The following ASRGL1 variants were observed in gnomAD, a reference collection of about 807,000 sequenced individuals.
ASRGL1 encodes asparaginase and isoaspartyl peptidase 1, also known as isoaspartyl peptidase/L-asparaginase.
Under a neutral mutation model 22.4 loss-of-function variants are expected in ASRGL1, and 16 were observed. The ratio of observed to expected loss-of-function variants is 0.71; its 90% confidence interval spans 0.48 to 1.08. The LOEUF (loss-of-function observed/expected upper bound fraction) is 1.08. Among genes scored for constraint, ASRGL1 ranks in the 50% least tolerant of loss-of-function variants. ASRGL1 has a pLI of 0.00. For missense variants in ASRGL1, 412 were observed against 410.1 expected, an observed-to-expected ratio of 1.00 and a Z score of -0.04; for synonymous variants, 165 against 159.3, an observed-to-expected ratio of 1.04 and a Z score of -0.27.
At chr11:62,394,627 G>A (rs1185414403), downstream of ASRGL1, among the ~76,000 whole-genome samples, 1 of 152,006 alleles carries the variant, frequency 6.6e-6, no homozygotes, top group Non-Finnish European at 1.5e-5. Context: ...GGATAGGGAG[G>A]CCAGTTGGAA....
At position 62,362,728 on chromosome 11, in the gene ASRGL1, T is replaced by A. The variant is rs1470799745; in HGVS notation, c.491+5584T>A. Among the ~76,000 whole-genome samples, 11 of 82,032 alleles carry A rather than the reference T, an allele frequency of 1.3e-4. No individual in the cohort carries two copies. The South Asian group carries it at 3.9e-3, about 29-fold the overall frequency. The allele number at this position is 82,032 out of a possible 152,430, so 53.8% of individuals were successfully genotyped here. On this transcript the variant is annotated intron_variant, in intron 4 of 6. Coordinates refer to ENST00000415229, the MANE Select transcript of ASRGL1 (RefSeq NM_001083926.2). ...TATAAAATATATTATATGTTATATATAAAATATAATATATATTATATATAT... is the reference window on the plus strand; with the variant it reads ...TATAAAATATATTATATGTTATATAAAAAATATAATATATATTATATATAT...
intron 4 of ASRGL1, among the ~76,000 whole-genome samples, chr11:62,379,264 A>C (rs1400609522): frequency 6.6e-6 from 1 of 152,172 alleles, no homozygotes; most frequent in Non-Finnish European, 1.5e-5. Flanking sequence ...GGTTTAAAGC[A>C]ATGATAGAGA....
Position 62,392,350 on chromosome 11 carries a change from G to A in ASRGL1, c.*66G>A. On this transcript the variant is annotated 3_prime_UTR_variant, in exon 7 of 7. Transcript: ENST00000415229. ...AAGTACAGTCTCCTCATGAGACATA[G>A]CCTAATCAATTAGATCTAGAATTGG... The A allele has an allele frequency of 6.4e-7, 1 of 1,559,918 alleles. No individual in the cohort carries two copies. Among genetic ancestry groups the A allele is most frequent in the Non-Finnish European group, 8.8e-7 (1 of 1,135,188 alleles).
intron 2 of ASRGL1, among the ~76,000 whole-genome samples, chr11:62,341,490 C>T (rs963007951): frequency 2.0e-5 from 3 of 152,060 alleles, no homozygotes; most frequent in African/African-American, 4.8e-5. Context: ...TGAGCCACCA[C>T]GCCCGGCTGA....
At chr11:62,348,154 A>G (rs1946076440) in intron 2 of ASRGL1, among the ~76,000 whole-genome samples, 1 of 152,216 alleles carries the variant, frequency 6.6e-6, no homozygotes, top group Admixed American at 6.5e-5. Flanking sequence ...CATTTCACGT[A>G]GAGGACTTGA....
rs187560813 is a variant in ASRGL1, at chr11:62,348,329, G to A, written c.191-7996G>A. ...CTCATCATCTCTTCCAAAGCTCCTG[G>A]GTTAGGGGTTTTTCAAAAGCAGTTT... On this transcript the variant is annotated intron_variant, in intron 2 of 6. Coordinates refer to ENST00000415229, the MANE Select transcript of ASRGL1 (RefSeq NM_001083926.2). Among the ~76,000 whole-genome samples the A allele has an allele frequency of 1.3e-3, 204 of 152,274 alleles. 2 individuals are homozygous for A. The highest frequency in any genetic ancestry group is 1.5e-3 in the Non-Finnish European group (105 of 68,032).
chr11:62,339,181 C>A (rs1031498923), intron 2 of ASRGL1, among the ~76,000 whole-genome samples: 4 of 152,170 alleles, frequency 2.6e-5, no homozygotes, highest in Admixed American at 1.3e-4. Flanking sequence ...AGGACTATTT[C>A]AAGATATGGC....
intron 4 of ASRGL1, among the ~76,000 whole-genome samples, chr11:62,383,602 CAAAAAAAAAAAAAAAAAAAAAAAA>C (rs35096038): frequency 9.1e-5 from 2 of 21,900 alleles, no homozygotes; most frequent in African/African-American, 2.1e-4. Flanking sequence ...GACTCCTACT[CAAAAAAAAAAAAAAAAAAAAAAAA>C]AAGAACATCA....
chr11:62,342,125 T>C (rs1305509566), intron 2 of ASRGL1, among the ~76,000 whole-genome samples: 1 of 152,204 alleles, frequency 6.6e-6, no homozygotes, highest in African/African-American at 2.4e-5. Flanking sequence ...AAACGGGACC[T>C]TACATTTTCT....
intron 2 of ASRGL1, among the ~76,000 whole-genome samples, chr11:62,350,678 C>T (rs1201131382): frequency 1.3e-5 from 2 of 152,154 alleles, no homozygotes; most frequent in Admixed American, 1.3e-4. Context: ...TACCTATAGT[C>T]CCAGCTACTC....
At chr11:62,372,292 A>G in intron 4 of ASRGL1, 1 of 1,602,570 alleles carries the variant, frequency 6.2e-7, no homozygotes, top group East Asian at 2.2e-5. Context: ...GCGTTTGGGG[A>G]AAACAAGATG....
At chr11:62,371,730 A>G (rs1946771754) in intron 4 of ASRGL1, 1 of 562,594 alleles carries the variant, frequency 1.8e-6, no homozygotes, top group South Asian at 1.4e-5. Flanking sequence ...AGGCGGGCAG[A>G]TCACAAGGTC....
chr11:62,380,869 A>G (rs999473876), intron 4 of ASRGL1, among the ~76,000 whole-genome samples: 3 of 152,112 alleles, frequency 2.0e-5, no homozygotes, highest in South Asian at 2.1e-4. Flanking sequence ...CCACGCCTCA[A>G]TATCTCCTTG....
rs1427520681 is a variant in ASRGL1 at position 62,361,202 on chromosome 11, G to GT, written c.491+4065dup. ...TGGTTTTGTGGGGTTTTGTTTTTTT[G>GT]TTTTTTTGAGACAAGGTCTTACTTT... On this transcript the variant is annotated intron_variant, in intron 4 of 6. Transcript: ENST00000415229. Among the ~76,000 whole-genome samples the GT allele has an allele frequency of 2.0e-5, 3 of 151,700 alleles. No individual in the cohort carries two copies. The East Asian group carries it at 5.8e-4, about 29-fold the overall frequency.
At chr11:62,356,562 G>C (rs906977333) in intron 3 of ASRGL1, 95 bp downstream of exon 3, 1 of 1,406,882 alleles carries the variant, frequency 7.1e-7, no homozygotes. Context: ...TGAGATCACT[G>C]TTCTCCTAAA....
At chr11:62,355,608 G>T (rs928762293) in intron 2 of ASRGL1, among the ~76,000 whole-genome samples, 12 of 150,248 alleles carry the variant, frequency 8.0e-5, no homozygotes, top group Non-Finnish European at 4.4e-5. Context: ...AAAATCTGGA[G>T]CCATTTCTAA....
At chr11:62,387,652 A>C (rs1227172599) in intron 4 of ASRGL1, among the ~76,000 whole-genome samples, 1 of 152,132 alleles carries the variant, frequency 6.6e-6, no homozygotes, top group Non-Finnish European at 1.5e-5. Flanking sequence ...TCTGTGTAAA[A>C]CAGCACCTCC....
At position 62,392,654 on chromosome 11, in the gene ASRGL1, G is replaced by A. The variant is rs1947370869; in HGVS notation, c.*370G>A. ...GACAGATGTGGGAGACCCACAGCCT[G>A]CAGACACTGTGGGCTGGAAGGTGGG... On this transcript the variant is annotated 3_prime_UTR_variant, in exon 7 of 7. Transcript: ENST00000415229. 6 of 268,232 alleles carry A rather than the reference G, an allele frequency of 2.2e-5. No individual in the cohort carries two copies. The South Asian group carries it at 2.6e-4, about 11-fold the overall frequency. 16.6% of individuals were successfully genotyped at this position (268,232 alleles called of 1,614,324 possible).
rs549115796 is a variant in ASRGL1, at chr11:62,357,159, TG to T, written c.491+17del. 428 of 1,608,862 alleles carry T rather than the reference TG, an allele frequency of 2.7e-4. 6 individuals are homozygous for T. In the East Asian group the frequency reaches 9.4e-3, roughly 35 times the overall value. On this transcript the variant is annotated intron_variant, in intron 4 of 6. Transcript: ENST00000415229. Reference sequence around the variant, plus strand: ...GATTGTCAAAAGTAAGTCTTACCTGTGGCTCGCATTATTTGGGAGTTATTAA... The same window carrying T: ...GATTGTCAAAAGTAAGTCTTACCTGTGCTCGCATTATTTGGGAGTTATTAA...
Sources: allele counts gnomAD v4.1 joint callset (sites outside exome capture counted in the v4.1 genomes callset), GRCh38; gene constraint gnomAD v4.1.1; transcripts MANE v1.5; gene names NCBI Gene and HGNC (gene_info 2026-07-23, HGNC 2026-07-21).